The following HACD2 variants were observed in gnomAD, a reference collection of about 807,000 sequenced individuals.
The protein encoded by HACD2 is very-long-chain (3R)-3-hydroxyacyl-CoA dehydratase 2.
HACD2 carries 15 observed loss-of-function variants against 31.0 expected under a neutral mutation model. The ratio of observed to expected loss-of-function variants is 0.48; its 90% CI spans 0.32 to 0.75. HACD2 has a LOEUF of 0.75. Ranked by LOEUF, HACD2 falls within the 30% of genes least tolerant of loss-of-function variation. HACD2 has a pLI of 0.03. For missense variants in HACD2, 283 were observed against 313.0 expected, an observed-to-expected ratio of 0.90 and a Z score of 0.72; for synonymous variants, 115 against 122.2, an observed-to-expected ratio of 0.94 and a Z score of 0.39.
At chr3:123,582,972 C>G (rs959766008) in intron 1 of HACD2, among the ~76,000 whole-genome samples, 3 of 152,134 alleles carry the variant, frequency 2.0e-5, no homozygotes, top group African/African-American at 7.2e-5. Context: ...GTTCCACTGT[C>G]CTTCTCAAAA....
At chr3:123,515,827 C>G (rs1188647770) in intron 4 of HACD2, among the ~76,000 whole-genome samples, 1 of 151,332 alleles carries the variant, frequency 6.6e-6, no homozygotes, top group African/African-American at 2.4e-5. Flanking sequence ...ACAGTGTCAG[C>G]TCACTGCAAT....
At chr3:123,565,415 G>C (rs1200194168) in intron 3 of HACD2, among the ~76,000 whole-genome samples, 1 of 152,068 alleles carries the variant, frequency 6.6e-6, no homozygotes, top group African/African-American at 2.4e-5. Flanking sequence ...GGGATCTCAT[G>C]AATGGGGTTA....
chr3:123,570,029 A>G (rs2056837077), intron 2 of HACD2, among the ~76,000 whole-genome samples: 2 of 109,662 alleles, frequency 1.8e-5, no homozygotes, highest in Non-Finnish European at 3.7e-5. Flanking sequence ...AAAAAAAAAA[A>G]GACATCCAGG....
intron 3 of HACD2, among the ~76,000 whole-genome samples, chr3:123,562,470 T>C (rs1047096793): frequency 2.0e-5 from 3 of 152,232 alleles, no homozygotes; most frequent in African/African-American, 7.2e-5. Context: ...AAGAGTTACA[T>C]TTATATATAT....
intron 2 of HACD2, among the ~76,000 whole-genome samples, chr3:123,578,508 C>T (rs1245217132): frequency 2.0e-5 from 3 of 152,110 alleles, no homozygotes; most frequent in Non-Finnish European, 4.4e-5. Context: ...TGGCCTCAAG[C>T]AATCCCCCCA....
chr3:123,503,715 A>C (rs1414931619), intron 4 of HACD2, among the ~76,000 whole-genome samples: 1 of 151,406 alleles, frequency 6.6e-6, no homozygotes, highest in Non-Finnish European at 1.5e-5. Context: ...CATCAAAAAA[A>C]AAAAAAAAAA....
intron 4 of HACD2, among the ~76,000 whole-genome samples, chr3:123,518,721 GC>G (rs2056176013): frequency 6.6e-6 from 1 of 152,154 alleles, no homozygotes; most frequent in African/African-American, 2.4e-5. Context: ...CAAAGGCCGG[GC>G]ATGGTGGCTC....
intron 3 of HACD2, among the ~76,000 whole-genome samples, chr3:123,553,972 T>TATA (rs1363514915): frequency 1.0e-5 from 1 of 100,236 alleles, no homozygotes; most frequent in Non-Finnish European, 2.1e-5. Flanking sequence ...TATTATTTTA[T>TATA]ATAATATATA....
At chr3:123,555,356 C>A (rs991012302) in intron 3 of HACD2, among the ~76,000 whole-genome samples, 1 of 152,202 alleles carries the variant, frequency 6.6e-6, no homozygotes. Context: ...TACAAACACA[C>A]ACACACACAA....
In HACD2 at chr3:123,494,083, G is replaced by C. The variant is rs2055802085; in HGVS notation, c.*805C>G. ...AACACGTTACTCAGAGGTGTTCTGA[G>C]AATGGTGCTGTGAAAAGGACTTGTC... On this transcript the variant is annotated 3_prime_UTR_variant, in exon 7 of 7. Coordinates refer to ENST00000383657, the MANE Select transcript of HACD2 (RefSeq NM_198402.5). 6.6e-6 allele frequency: 1 copy of C among 152,234 alleles called. No homozygotes were observed. Among genetic ancestry groups the C allele is most frequent in the African/African-American group, 2.4e-5 (1 of 41,440 alleles). 9.4% of individuals were successfully genotyped at this position (152,234 alleles called of 1,614,324 possible).
rs191646983 is a variant in HACD2, at chr3:123,502,955, G to A, written c.382-274C>T. 2.6e-4 allele frequency: 90 copies of A among 351,900 alleles called. No individual in the cohort carries two copies. In the East Asian group the frequency reaches 4.2e-3, roughly 16 times the overall value. The allele number at this position is 351,900 out of a possible 1,614,324, so 21.8% of individuals were successfully genotyped here. The stretch of plus-strand genomic sequence containing the variant: ...CAAACACGAGGGGTGGGGATTTACA[G>A]GTTTGCCAGCCTCATGCGGAGAATG... On this transcript the variant is annotated intron_variant, in intron 4 of 6. Coordinates refer to ENST00000383657, the MANE Select transcript of HACD2 (RefSeq NM_198402.5).
chr3:123,545,344 T>C (rs1300049584), intron 3 of HACD2, among the ~76,000 whole-genome samples: 1 of 151,344 alleles, frequency 6.6e-6, no homozygotes, highest in Non-Finnish European at 1.5e-5. Flanking sequence ...TAGCTGTGCG[T>C]GGTGGCACAT....
intron 3 of HACD2, among the ~76,000 whole-genome samples, chr3:123,548,089 G>A (rs1415211330): frequency 6.6e-6 from 1 of 152,042 alleles, no homozygotes. Flanking sequence ...TGTGGTGGGT[G>A]GTGCTAACAA....
intron 3 of HACD2, among the ~76,000 whole-genome samples, chr3:123,548,653 C>G (rs988044609): frequency 6.6e-6 from 1 of 151,944 alleles, no homozygotes; most frequent in Admixed American, 6.6e-5. Context: ...GATGGGGTCT[C>G]GCTTGTCACT....
chr3:123,540,392 A>C (rs1246641226), intron 3 of HACD2, among the ~76,000 whole-genome samples: 2 of 152,206 alleles, frequency 1.3e-5, no homozygotes, highest in African/African-American at 2.4e-5. Flanking sequence ...GAGCCTCCTC[A>C]CTTGCTTGTT....
intron 4 of HACD2, among the ~76,000 whole-genome samples, chr3:123,514,980 C>A (rs2056115168): frequency 6.6e-6 from 1 of 152,170 alleles, no homozygotes; most frequent in Non-Finnish European, 1.5e-5. Flanking sequence ...GAATTCAAAA[C>A]AGTTATACAG....
chr3:123,551,682 C>T (rs947379628), intron 3 of HACD2, among the ~76,000 whole-genome samples: 1 of 151,452 alleles, frequency 6.6e-6, no homozygotes, highest in Admixed American at 6.6e-5. Context: ...TGGAGGGACA[C>T]TGGGAAGTCT....
At chr3:123,527,860 C>A (rs1389090352) in intron 4 of HACD2, among the ~76,000 whole-genome samples, 1 of 152,196 alleles carries the variant, frequency 6.6e-6, no homozygotes, top group Non-Finnish European at 1.5e-5. Context: ...AAACGTGTTT[C>A]GGTCAGCAGC....
At chr3:123,528,602 T>C in intron 3 of HACD2, 128 bp from the exon 4 acceptor site, 2 of 641,004 alleles carry the variant, frequency 3.1e-6, no homozygotes, top group Non-Finnish European at 5.6e-6. Context: ...AAGGTGTCTA[T>C]ATTGTTACAC....
Sources: allele counts gnomAD v4.1 joint callset (sites outside exome capture counted in the v4.1 genomes callset), GRCh38; gene constraint gnomAD v4.1.1; transcripts MANE v1.5; gene names NCBI Gene and HGNC (gene_info 2026-07-23, HGNC 2026-07-21).